Variants in ARNT2 observed in about 807,000 individuals in gnomAD.
ARNT2 encodes the protein aryl hydrocarbon receptor nuclear translocator 2, also known as ARNT protein 2.
A neutral mutation model predicts 91.7 loss-of-function variants in ARNT2; 36 were observed. The ratio of observed to expected loss-of-function variants is 0.39; its 90% CI spans 0.30 to 0.52. The LOEUF is 0.52. Among genes scored for constraint, ARNT2 ranks in the 20% least tolerant of loss-of-function variants. The pLI is 0.72. For missense variants in ARNT2, 775 were observed against 939.3 expected (o/e 0.83, Z 2.29); for synonymous variants, 365 against 347.1 (o/e 1.05, Z -0.57).
intron 1 of ARNT2, among the ~76,000 whole-genome samples, chr15:80,417,156 T>G (rs754069115): frequency 6.6e-6 from 1 of 152,212 alleles, no homozygotes; most frequent in Admixed American, 6.5e-5. Context: ...TTACCAACTT[T>G]CCTGACATAC....
chr15:80,404,455 C>G lies in ARNT2; in HGVS notation c.-61C>G. ...TGACCGGGTCCCCGGGGCTGAGCGC[C>G]GGGCTCCGCGCCGCCCCTCCCGCGC... On this transcript the variant is annotated 5_prime_UTR_variant, in exon 1 of 19. Transcript: ENST00000303329. This position sits in a 1 kb window ranked among gnomAD's most constrained non-coding sequence, Gnocchi z 5.5. 1 of 1,140,792 alleles carries G rather than the reference C, an allele frequency of 8.8e-7. No homozygotes were observed. The highest frequency in any genetic ancestry group is 1.1e-6 in the Non-Finnish European group (1 of 907,348). 70.7% of individuals were successfully genotyped at this position (1,140,792 alleles called of 1,614,324 possible).
rs141193900 is a variant in ARNT2, at chr15:80,563,128, G to A, written c.1205G>A (p.Arg402Gln). The change falls in exon 12 of 19, where the codon CGA (arginine) becomes CAA (glutamine). Residue 402 changes from arginine to glutamine, a missense_variant. Arg to Gln is a conservative substitution (Grantham distance 43). Around this residue, in one of 5 missense-constraint regions of ARNT2, gnomAD observed 285 missense variants for 327.2 expected, o/e 0.87. Coordinates refer to ENST00000303329, the MANE Select transcript of ARNT2 (RefSeq NM_014862.4). The part of the protein sequence containing the change: ...LKGQVLSVMY[R>Q]FRTKNREWML... ...GGCCAAGTCCTGTCGGTCATGTATC[G>A]ATTTCGCACCAAGAACCGGGAGTGG... is the stretch of plus-strand genomic sequence containing the variant. The A allele has an allele frequency of 1.1e-5, 17 of 1,613,918 alleles. No homozygotes were observed. Among genetic ancestry groups the A allele is most frequent in the African/African-American group, 6.7e-5 (5 of 74,858 alleles).
intron 11 of ARNT2, among the ~76,000 whole-genome samples, chr15:80,558,333 CT>C (rs56720700): frequency 0.25 from 26,205 of 103,224 alleles, 1,869 homozygotes; most frequent in African/African-American, 0.28. Context: ...TACGTCTGTG[CT>C]TTTTTTTTTT....
At chr15:80,425,300 G>T (rs1895917385) in intron 1 of ARNT2, among the ~76,000 whole-genome samples, 1 of 152,100 alleles carries the variant, frequency 6.6e-6, no homozygotes, top group Non-Finnish European at 1.5e-5. Context: ...CTCCAAAATG[G>T]TGGTCATTTT....
At chr15:80,463,661 G>C (rs1415968171) in intron 3 of ARNT2, among the ~76,000 whole-genome samples, 1 of 146,330 alleles carries the variant, frequency 6.8e-6, no homozygotes, top group Non-Finnish European at 1.5e-5. Context: ...TCACTGCAAT[G>C]TCTGCCTCCT....
At chr15:80,419,868 C>T (rs1895837197) in intron 1 of ARNT2, among the ~76,000 whole-genome samples, 1 of 152,152 alleles carries the variant, frequency 6.6e-6, no homozygotes, top group Admixed American at 6.5e-5. Context: ...AACAGCAGGG[C>T]ATAGTTTGCT....
chr15:80,553,765 G>A (rs1315868313), intron 10 of ARNT2, among the ~76,000 whole-genome samples: 2 of 152,102 alleles, frequency 1.3e-5, no homozygotes, highest in African/African-American at 4.8e-5. Flanking sequence ...TTTATTCTGA[G>A]CAACTACGTT....
chr15:80,445,805 T>TCCTC (rs1896291596), intron 1 of ARNT2, among the ~76,000 whole-genome samples: 1 of 151,938 alleles, frequency 6.6e-6, no homozygotes, highest in African/African-American at 2.4e-5. Flanking sequence ...GGTTTGCAGC[T>TCCTC]CCTCCTTCTG....
At chr15:80,573,970 G>A in intron 12 of ARNT2, 178 bp from the exon 13 acceptor site, 1 of 579,392 alleles carries the variant, frequency 1.7e-6, no homozygotes, top group Non-Finnish European at 3.1e-6. Flanking sequence ...AACATGAAAT[G>A]CAATGTCTGG....
rs1596022181 is a variant in ARNT2 at position 80,576,282 on chromosome 15, A to T, written c.1514-584A>T. Among the ~76,000 whole-genome samples the T allele has an allele frequency of 2.0e-5, 3 of 149,938 alleles. No individual in the cohort carries two copies. The South Asian group carries it at 6.4e-4, about 32-fold the overall frequency. On this transcript the variant is annotated intron_variant, in intron 14 of 18. Transcript: ENST00000303329. ...AATGTCTGAGAAAGAACTCTCATTA[A>T]TTTTTTTTTTTTGAGGTGGAGTCTT...
chr15:80,404,412 G>T lies in ARNT2; in HGVS notation c.-104G>T. ...CCGCCCGCGCCGTCCTTTGTGTGGC[G>T]GCGGCGGCGCCTGGGCCTGACCGGG... On this transcript the variant is annotated 5_prime_UTR_variant, in exon 1 of 19. Coordinates refer to ENST00000303329, the MANE Select transcript of ARNT2 (RefSeq NM_014862.4). This position sits in a 1 kb window ranked among gnomAD's most constrained non-coding sequence, Gnocchi z 5.5. The T allele has an allele frequency of 1.4e-6, 1 of 700,676 alleles. No individual in the cohort carries two copies. Among genetic ancestry groups the T allele is most frequent in the Non-Finnish European group, 1.8e-6 (1 of 560,674 alleles). 43.4% of individuals were successfully genotyped at this position (700,676 alleles called of 1,614,324 possible).
intron 18 of ARNT2, among the ~76,000 whole-genome samples, chr15:80,592,781 T>A (rs1596029507): frequency 1.3e-5 from 2 of 152,254 alleles, no homozygotes; most frequent in East Asian, 3.8e-4. Flanking sequence ...AGCAACCCTG[T>A]AAGGCAGAAT....
intron 5 of ARNT2, among the ~76,000 whole-genome samples, chr15:80,478,619 T>C (rs1016135866): frequency 1.3e-5 from 2 of 152,150 alleles, no homozygotes; most frequent in African/African-American, 4.8e-5. Flanking sequence ...ATTCTTAGGG[T>C]GGAAGAGAGG....
intron 1 of ARNT2, among the ~76,000 whole-genome samples, chr15:80,433,579 G>A (rs1023295570): frequency 6.6e-6 from 1 of 152,002 alleles, no homozygotes; most frequent in African/African-American, 2.4e-5. Flanking sequence ...AATTACAGGC[G>A]TGAGCCACCA....
intron 5 of ARNT2, among the ~76,000 whole-genome samples, chr15:80,491,866 T>TAA: frequency 6.8e-6 from 1 of 147,660 alleles, no homozygotes. Flanking sequence ...GGTTTTTTGG[T>TAA]GATTTTTTGC....
chr15:80,512,801 C>T (rs1897363791), intron 6 of ARNT2, among the ~76,000 whole-genome samples: 3 of 152,212 alleles, frequency 2.0e-5, no homozygotes, highest in Non-Finnish European at 4.4e-5. Context: ...CCCTTCCCTG[C>T]CCTAGTGTCC....
intron 8 of ARNT2, among the ~76,000 whole-genome samples, chr15:80,548,771 A>G (rs771061829): frequency 5.3e-5 from 8 of 152,128 alleles, no homozygotes; most frequent in Admixed American, 1.3e-4. Flanking sequence ...AACAAATGAG[A>G]AAACATCCTT....
chr15:80,420,924 G>T (rs557459767), intron 1 of ARNT2, among the ~76,000 whole-genome samples: 17 of 152,246 alleles, frequency 1.1e-4, no homozygotes, highest in African/African-American at 4.1e-4. Flanking sequence ...AAAGGCAAAA[G>T]AAGTCATTAT....
At chr15:80,535,076 A>G (rs1043508970) in intron 8 of ARNT2, among the ~76,000 whole-genome samples, 1 of 152,212 alleles carries the variant, frequency 6.6e-6, no homozygotes, top group African/African-American at 2.4e-5. Context: ...CATTCAGGGC[A>G]GGAGGAAGAG....
Sources: allele counts gnomAD v4.1 joint callset (sites outside exome capture counted in the v4.1 genomes callset), GRCh38; gene constraint gnomAD v4.1.1; regional missense constraint gnomAD v4.1.1; non-coding constraint Gnocchi (gnomAD v3.1); transcripts MANE v1.5; gene names NCBI Gene and HGNC (gene_info 2026-07-23, HGNC 2026-07-21).